Variants in CHD9 observed in about 807,000 individuals in gnomAD.
CHD9 encodes the protein ATP-dependent chromatin remodeler CHD9.
CHD9 carries 77 observed loss-of-function variants against 316.1 expected under a neutral mutation model. That is an observed-to-expected ratio of 0.24 (90% CI 0.20 to 0.29). The LOEUF (loss-of-function observed/expected upper bound fraction) is 0.29, where lower values mean the gene tolerates loss of function less well. Among genes scored for constraint, CHD9 ranks in the 10% least tolerant of loss-of-function variants. The pLI is 1.00. For missense variants in CHD9, 2,763 were observed against 3,438.1 expected (o/e 0.80, Z 4.91); for synonymous variants, 1,129 against 1,158.3 (o/e 0.97, Z 0.51).
intron 2 of CHD9, among the ~76,000 whole-genome samples, chr16:53,187,168 A>C (rs1040592784): frequency 6.6e-6 from 1 of 152,216 alleles, no homozygotes; most frequent in Non-Finnish European, 1.5e-5. Context: ...CAACAAAGTG[A>C]TAAGTGATAG....
At chr16:53,186,254 C>T (rs1042273573) in intron 2 of CHD9, among the ~76,000 whole-genome samples, 1 of 152,188 alleles carries the variant, frequency 6.6e-6, no homozygotes, top group Non-Finnish European at 1.5e-5. Flanking sequence ...TCAGCATGCC[C>T]TGGATGTGAG....
At chr16:53,130,417 C>T (rs1423411410) in intron 1 of CHD9, among the ~76,000 whole-genome samples, 1 of 151,818 alleles carries the variant, frequency 6.6e-6, no homozygotes, top group Non-Finnish European at 1.5e-5. Flanking sequence ...CTGCGCCGAC[C>T]CCGCCACTGG....
At chr16:53,300,553 G>A (rs748149576) in intron 30 of CHD9, among the ~76,000 whole-genome samples, 3 of 152,170 alleles carry the variant, frequency 2.0e-5, no homozygotes, top group Non-Finnish European at 4.4e-5. Context: ...AAGGTGGCAT[G>A]GCTTTATGAT....
chr16:53,245,244 T>C lies in CHD9; in HGVS notation c.3055-92T>C. ...ATATATGTATATATAGTCAGAAAAA[T>C]ATTTGCATATTGATCATTCGATAAT... On this transcript the variant is annotated intron_variant, in intron 13 of 38. Coordinates refer to ENST00000447540, the MANE Select transcript of CHD9 (RefSeq NM_001308319.2). This position sits in a 1 kb window ranked among gnomAD's most constrained non-coding sequence, Gnocchi z 4.1. 1.1e-6 allele frequency: 1 copy of C among 906,804 alleles called. No homozygotes were observed. The highest frequency in any genetic ancestry group is 2.2e-5 in the South Asian group (1 of 45,196). The allele number at this position is 906,804 out of a possible 1,614,324, so 56.2% of individuals were successfully genotyped here. A position where few individuals can be genotyped will look rare whatever the true frequency, so the allele number is the denominator to read the frequency against.
At chr16:53,110,658 A>T (rs973484734) in intron 1 of CHD9, among the ~76,000 whole-genome samples, 1 of 152,182 alleles carries the variant, frequency 6.6e-6, no homozygotes, top group Non-Finnish European at 1.5e-5. Flanking sequence ...AGCTAGTTGG[A>T]GGCTGAGGCA....
In CHD9 at chr16:53,307,973, C is replaced by T. The variant is rs1391727331; in HGVS notation, c.7053+20C>T. 1 of 1,565,200 alleles carries T rather than the reference C, an allele frequency of 6.4e-7. No homozygotes were observed. Among genetic ancestry groups the T allele is most frequent in the Admixed American group, 1.9e-5 (1 of 51,984 alleles). On this transcript the variant is annotated intron_variant, in intron 33 of 38. Coordinates refer to ENST00000447540, the MANE Select transcript of CHD9 (RefSeq NM_001308319.2). ...AAAGACGTATGTGTATTTTTATTGC[C>T]CTAGGGCCTGATTGCGATTGCGGTG...
chr16:53,063,764 C>T (rs1424757080), intron 1 of CHD9, among the ~76,000 whole-genome samples: 1 of 151,646 alleles, frequency 6.6e-6, no homozygotes, highest in African/African-American at 2.4e-5. Context: ...ATCTCCTGAC[C>T]TCGTGACCCG....
At chr16:53,081,134 AT>A (rs1488682613) in intron 1 of CHD9, among the ~76,000 whole-genome samples, 3 of 152,148 alleles carry the variant, frequency 2.0e-5, no homozygotes, top group Non-Finnish European at 4.4e-5. Flanking sequence ...TAGAGAGAAG[AT>A]TTGCCAAAGA....
intron 3 of CHD9, among the ~76,000 whole-genome samples, chr16:53,215,635 C>CT (rs574818694): frequency 1.3e-4 from 20 of 151,824 alleles, no homozygotes; most frequent in African/African-American, 4.8e-4. Flanking sequence ...ATATTTTTGC[C>CT]TTTTTTTTCT....
intron 2 of CHD9, among the ~76,000 whole-genome samples, chr16:53,158,535 T>C (rs2152749835): frequency 6.6e-6 from 1 of 152,328 alleles, no homozygotes; most frequent in Non-Finnish European, 1.5e-5. Context: ...TTTTTCCTCA[T>C]CTTTAAAATG....
At chr16:53,216,031 G>T (rs2046734255) in intron 3 of CHD9, among the ~76,000 whole-genome samples, 1 of 152,038 alleles carries the variant, frequency 6.6e-6, no homozygotes, top group South Asian at 2.1e-4. Flanking sequence ...ATTGATAACA[G>T]ATCCTTTTAA....
rs538548183 is a variant in CHD9, at chr16:53,325,566, C to G, written c.*671C>G. The G allele has an allele frequency of 6.5e-5, 10 of 152,732 alleles. No homozygotes were observed. Among genetic ancestry groups the G allele is most frequent in the African/African-American group, 2.4e-4 (10 of 41,566 alleles). 9.5% of individuals were successfully genotyped at this position (152,732 alleles called of 1,614,324 possible). A position where few individuals can be genotyped will look rare whatever the true frequency, so the allele number is the denominator to read the frequency against. ...GGTTTTTTAAACACATCCTATATAT[C>G]ATGTCAATCTGGCAAGAAATATGAC... On this transcript the variant is annotated 3_prime_UTR_variant, in exon 39 of 39. Transcript: ENST00000447540.
At chr16:53,320,476 C>T (rs1192323039) in intron 37 of CHD9, among the ~76,000 whole-genome samples, 5 of 151,994 alleles carry the variant, frequency 3.3e-5, no homozygotes, top group African/African-American at 7.3e-5. Context: ...GAGCCAAGAT[C>T]GTGCCACTAC....
chr16:53,202,064 G>A (rs1036381597), intron 2 of CHD9, among the ~76,000 whole-genome samples: 4 of 151,682 alleles, frequency 2.6e-5, no homozygotes, highest in Non-Finnish European at 5.9e-5. Context: ...GTCTTGCTAT[G>A]TTGCCCAGGC....
At chr16:53,277,965 G>A (rs573590122) in intron 24 of CHD9, among the ~76,000 whole-genome samples, 4 of 151,362 alleles carry the variant, frequency 2.6e-5, no homozygotes, top group Admixed American at 2.0e-4. Flanking sequence ...CACCAGCAGC[G>A]ACCAAGCTGA....
chr16:53,266,295 A>G (rs1051052613), intron 20 of CHD9, among the ~76,000 whole-genome samples: 1 of 152,190 alleles, frequency 6.6e-6, no homozygotes, highest in Non-Finnish European at 1.5e-5. Context: ...AGGACATCAC[A>G]TGCCCCTTAA....
rs554638763 is a variant in CHD9 at position 53,180,025 on chromosome 16, C to T, written c.1452+22484C>T. The stretch of plus-strand genomic sequence containing the variant: ...GGAAGTTCTTGAATTGTTACCTTAC[C>T]TTCTTTTTTTTTTTTTTTTGAGACT... On this transcript the variant is annotated intron_variant, in intron 2 of 38. Transcript: ENST00000447540. 2.9e-5 allele frequency among the ~76,000 whole-genome samples: 4 copies of T among 136,692 alleles called. No homozygotes were observed. The East Asian group carries it at 8.4e-4, about 29-fold the overall frequency. The allele number at this position is 136,692 out of a possible 152,430, so 89.7% of individuals were successfully genotyped here.
intron 2 of CHD9, among the ~76,000 whole-genome samples, chr16:53,184,231 A>G (rs1259988929): frequency 6.9e-6 from 1 of 145,298 alleles, no homozygotes; most frequent in African/African-American, 2.6e-5. Flanking sequence ...AACTCTGTAC[A>G]GTATTCTATT....
At chr16:53,323,353 TTAGA>T (rs2057391723) in intron 38 of CHD9, among the ~76,000 whole-genome samples, 1 of 152,192 alleles carries the variant, frequency 6.6e-6, no homozygotes, top group Non-Finnish European at 1.5e-5. Context: ...TGTATTTCTA[TTAGA>T]TAGTGCTGTT....
Sources: gnomAD v4.1 joint callset for allele counts (sites outside exome capture counted in the v4.1 genomes callset) on GRCh38, gnomAD v4.1.1 for gene constraint, Gnocchi (gnomAD v3.1) non-coding constraint, MANE v1.5 for transcripts, NCBI Gene and HGNC (gene_info 2026-07-23, HGNC 2026-07-21) for gene names.